The following RAB3C variants were observed in gnomAD, a reference collection of about 807,000 sequenced individuals.
The protein encoded by RAB3C is ras-related protein Rab-3C.
Under a neutral mutation model 26.4 loss-of-function variants are expected in RAB3C, and 17 were observed. That is an observed-to-expected ratio of 0.64 (90% CI 0.44 to 0.97). RAB3C has a LOEUF of 0.97. Among genes scored for constraint, RAB3C ranks in the 50% least tolerant of loss-of-function variants. The pLI is 0.00. For missense variants in RAB3C, 242 were observed against 281.9 expected, an observed-to-expected ratio of 0.86 and a Z score of 1.01; for synonymous variants, 91 against 95.9, an observed-to-expected ratio of 0.95 and a Z score of 0.30.
intron 3 of RAB3C, among the ~76,000 whole-genome samples, chr5:58,781,161 G>C: frequency 6.6e-6 from 1 of 151,944 alleles, no homozygotes; most frequent in Non-Finnish European, 1.5e-5. Flanking sequence ...AAAAAGTTAA[G>C]ACCTCCAGCA....
chr5:58,597,154 T>TATATATTATATAATAATATATACTACATA (rs1561260686), intron 1 of RAB3C, among the ~76,000 whole-genome samples: 4 of 3,714 alleles, frequency 1.1e-3, no homozygotes, highest in Non-Finnish European at 2.5e-3. Flanking sequence ...TACTACATAA[T>TATATATTATATAATAATATATACTACATA]ATATATTATA....
chr5:58,646,513 G>C (rs377500627), intron 2 of RAB3C, among the ~76,000 whole-genome samples: 6 of 152,150 alleles, frequency 3.9e-5, no homozygotes, highest in African/African-American at 1.4e-4. Flanking sequence ...ACCGAGCAAA[G>C]TACAATGTTC....
chr5:58,777,594 GTTT>G (rs779951394), intron 3 of RAB3C, among the ~76,000 whole-genome samples: 3 of 130,092 alleles, frequency 2.3e-5, no homozygotes, highest in African/African-American at 5.5e-5. Context: ...GAAAGACCAT[GTTT>G]TTTTTTTTTT....
chr5:58,805,900 A>G (rs1440203351), intron 3 of RAB3C, among the ~76,000 whole-genome samples: 2 of 152,166 alleles, frequency 1.3e-5, no homozygotes, highest in Non-Finnish European at 2.9e-5. Flanking sequence ...TGAAGTCTGT[A>G]TACATAACCA....
At chr5:58,603,849 C>G (rs969038728) in intron 1 of RAB3C, among the ~76,000 whole-genome samples, 2 of 152,078 alleles carry the variant, frequency 1.3e-5, no homozygotes, top group African/African-American at 4.8e-5. Context: ...TGCTGGTGAA[C>G]TAGTGTGATT....
chr5:58,768,295 G>C lies in RAB3C; in HGVS notation c.371+42175G>C, dbSNP rs148184083. On this transcript the variant is annotated intron_variant, in intron 3 of 4. Transcript: ENST00000282878. ...GCTTTCCCCCATAGCAATCACAATG[G>C]CACCACTGAGAAAAGTTAAAATCCT... Among the ~76,000 whole-genome samples, 258 of 152,098 alleles carry C rather than the reference G, an allele frequency of 1.7e-3. 2 individuals carry two copies. Among genetic ancestry groups the C allele is most frequent in the South Asian group, 3.1e-3 (15 of 4,810 alleles).
chr5:58,807,945 G>T (rs1742980085), intron 3 of RAB3C, among the ~76,000 whole-genome samples: 1 of 152,098 alleles, frequency 6.6e-6, no homozygotes, highest in Non-Finnish European at 1.5e-5. Context: ...GAAATAACTT[G>T]CCAGGTGCGG....
At position 58,656,590 on chromosome 5, in the gene RAB3C, G is replaced by A. The variant is rs182365345; in HGVS notation, c.252+38720G>A. ...AAGTTATAGCAGTTTTTAATATCTC[G>A]CCTCAAATAACATAAACATGTTTAT... is the stretch of plus-strand genomic sequence containing the variant. On this transcript the variant is annotated intron_variant, in intron 2 of 4. Coordinates refer to ENST00000282878, the MANE Select transcript of RAB3C (RefSeq NM_138453.4). Among the ~76,000 whole-genome samples the A allele has an allele frequency of 4.7e-3, 710 of 152,222 alleles. 4 individuals carry two copies. The highest frequency in any genetic ancestry group is 0.014 in the African/African-American group (595 of 41,534).
intron 3 of RAB3C, among the ~76,000 whole-genome samples, chr5:58,772,277 A>C (rs1282551174): frequency 2.0e-5 from 3 of 152,196 alleles, no homozygotes; most frequent in Non-Finnish European, 4.4e-5. Flanking sequence ...GGACCAATGT[A>C]GTGCTTCAAG....
chr5:58,810,550 A>G (rs1305390529), intron 3 of RAB3C, among the ~76,000 whole-genome samples: 1 of 152,182 alleles, frequency 6.6e-6, no homozygotes, highest in South Asian at 2.1e-4. Context: ...GTATACTTCA[A>G]GAATGGATGG....
At chr5:58,795,333 T>C (rs554597735) in intron 3 of RAB3C, among the ~76,000 whole-genome samples, 7 of 152,286 alleles carry the variant, frequency 4.6e-5, no homozygotes, top group Admixed American at 3.9e-4. Context: ...AATATACTTA[T>C]AGAATACTAT....
At position 58,845,634 on chromosome 5, in the gene RAB3C, ATG is replaced by A. The variant is rs1561150629; in HGVS notation, c.497-5528_497-5527del. 1.7e-4 allele frequency among the ~76,000 whole-genome samples: 18 copies of A among 107,972 alleles called. 2 individuals are homozygous for A. Among genetic ancestry groups the A allele is most frequent in the African/African-American group, 7.6e-4 (17 of 22,254 alleles). 70.8% of individuals were successfully genotyped at this position (107,972 alleles called of 152,430 possible). Reference sequence around the variant, plus strand: ...TATATGTGTGTGTGTGTGTGTGTATATGTATATATACATATATATACATATAG... The same window carrying A: ...TATATGTGTGTGTGTGTGTGTGTATATATATATACATATATATACATATAG... On this transcript the variant is annotated intron_variant, in intron 4 of 4. Coordinates refer to ENST00000282878, the MANE Select transcript of RAB3C (RefSeq NM_138453.4).
At chr5:58,620,364 G>T (rs760487314) in intron 2 of RAB3C, among the ~76,000 whole-genome samples, 33 of 152,110 alleles carry the variant, frequency 2.2e-4, no homozygotes, top group Non-Finnish European at 3.8e-4. Flanking sequence ...ATACAATACT[G>T]TATACTATTA....
Position 58,854,412 on chromosome 5 carries a change from T to G in RAB3C, c.*3061T>G, listed in dbSNP as rs1023114333. 4 of 152,130 alleles carry G rather than the reference T, an allele frequency of 2.6e-5. No homozygotes were observed. The highest frequency in any genetic ancestry group is 4.4e-5 in the Non-Finnish European group (3 of 68,022). The allele number at this position is 152,130 out of a possible 1,614,324, so 9.4% of individuals were successfully genotyped here. A position where few individuals can be genotyped will look rare whatever the true frequency, so the allele number is the denominator to read the frequency against. ...TGCAACTGAAAAATTAGACTGAAAA[T>G]TATTTGACTTAAATAGCCATCCTCA... On this transcript the variant is annotated 3_prime_UTR_variant, in exon 5 of 5. Coordinates refer to ENST00000282878, the MANE Select transcript of RAB3C (RefSeq NM_138453.4).
Position 58,851,327 on chromosome 5 carries a change from A to G in RAB3C, c.660A>G (p.Pro220=). 2 of 1,608,266 alleles carry G rather than the reference A, an allele frequency of 1.2e-6. No homozygotes were observed. The highest frequency in any genetic ancestry group is 1.7e-6 in the Non-Finnish European group (2 of 1,177,810). ...CGAGACTCAAGGAAACTCCTCCTCCACCGCAGCCCAACTGTGCCTGCTAGT... is the reference window on the plus strand; with the variant it reads ...CGAGACTCAAGGAAACTCCTCCTCCGCCGCAGCCCAACTGTGCCTGCTAGT... ...QNTRLKETPP[P]PQPNCAC Residue 220 remains proline, a synonymous_variant, in exon 5 of 5, where the codon CCA becomes CCG. Transcript: ENST00000282878.
chr5:58,654,078 C>A (rs1747712783), intron 2 of RAB3C, among the ~76,000 whole-genome samples: 1 of 152,158 alleles, frequency 6.6e-6, no homozygotes. Flanking sequence ...TTCATCATCA[C>A]CTTGCTGGCC....
At position 58,851,547 on chromosome 5, in the gene RAB3C, G is replaced by A. The variant is rs58640776; in HGVS notation, c.*196G>A. ...CAAATATGTGATCTTAAATTTATAAGGACTATCCATCTATAAACATCTGGT... is the reference window on the plus strand; with the variant it reads ...CAAATATGTGATCTTAAATTTATAAAGACTATCCATCTATAAACATCTGGT... On this transcript the variant is annotated 3_prime_UTR_variant, in exon 5 of 5. Coordinates refer to ENST00000282878, the MANE Select transcript of RAB3C (RefSeq NM_138453.4). 173 of 452,796 alleles carry A rather than the reference G, an allele frequency of 3.8e-4. 1 individual carries two copies. The East Asian group carries it at 5.2e-3, about 14-fold the overall frequency. The allele number at this position is 452,796 out of a possible 1,614,324, so 28.0% of individuals were successfully genotyped here.
intron 1 of RAB3C, among the ~76,000 whole-genome samples, chr5:58,608,291 G>A (rs1746615373): frequency 6.6e-6 from 1 of 151,868 alleles, no homozygotes; most frequent in Non-Finnish European, 1.5e-5. Context: ...TCTGACAAAG[G>A]GCTAATATCC....
At chr5:58,713,397 C>T (rs911018265) in intron 2 of RAB3C, among the ~76,000 whole-genome samples, 5 of 152,156 alleles carry the variant, frequency 3.3e-5, no homozygotes, top group Middle Eastern at 3.2e-3. Context: ...ATTTTAAACA[C>T]GACGTTAATC....
Sources: gnomAD v4.1 joint callset for allele counts (sites outside exome capture counted in the v4.1 genomes callset) on GRCh38, gnomAD v4.1.1 for gene constraint, MANE v1.5 for transcripts, NCBI Gene and HGNC (gene_info 2026-07-23, HGNC 2026-07-21) for gene names.